Variants in PRSS55 observed in about 807,000 individuals in gnomAD.
PRSS55 encodes the protein probable serine protease UNQ9391/PRO34284.
PRSS55 carries 41 observed loss-of-function variants against 23.6 expected under a neutral mutation model. The ratio of observed to expected loss-of-function variants is 1.74; its 90% CI spans 1.35 to 2.26. The LOEUF is 2.26. Ranked by LOEUF, PRSS55 falls within the 30% of genes most tolerant of loss-of-function variation. PRSS55 has a pLI of 0.00. For synonymous variants in PRSS55, 262 were observed against 175.5 expected (o/e 1.49, Z -3.90); for missense variants, 669 against 439.1 (o/e 1.52, Z -4.68).
intron 4 of PRSS55, among the ~76,000 whole-genome samples, chr8:10,548,354 G>T (rs1012914248): frequency 6.6e-6 from 1 of 152,152 alleles, no homozygotes; most frequent in Non-Finnish European, 1.5e-5. Context: ...AGCCCTGGAG[G>T]GGGAGGGAAG....
intron 4 of PRSS55, among the ~76,000 whole-genome samples, chr8:10,533,512 T>G (rs1443910093): frequency 6.6e-6 from 1 of 152,174 alleles, no homozygotes; most frequent in African/African-American, 2.4e-5. Flanking sequence ...GATAAAATAT[T>G]GGGTGTTGCA....
chr8:10,529,002 C>T (rs1398839496), intron 1 of PRSS55, among the ~76,000 whole-genome samples: 1 of 152,184 alleles, frequency 6.6e-6, no homozygotes, highest in Non-Finnish European at 1.5e-5. Context: ...ATTCCACTGG[C>T]CCCTCAGAAA....
At chr8:10,552,327 A>T (rs547701418) in intron 4 of PRSS55, among the ~76,000 whole-genome samples, 8 of 152,230 alleles carry the variant, frequency 5.3e-5, no homozygotes, top group Non-Finnish European at 1.2e-4. Context: ...TCCAGGAAAC[A>T]TCTTCCTACT....
At chr8:10,550,995 G>C (rs976013328) in intron 4 of PRSS55, among the ~76,000 whole-genome samples, 1 of 152,198 alleles carries the variant, frequency 6.6e-6, no homozygotes, top group Non-Finnish European at 1.5e-5. Flanking sequence ...ATGGACCCAG[G>C]CTTCCAGTAC....
chr8:10,532,799 G>A, intron 3 of PRSS55, 107 bp from the exon 4 acceptor site: 1 of 1,397,198 alleles, frequency 7.2e-7, no homozygotes, highest in Non-Finnish European at 9.8e-7. Context: ...TGTGAAGGAA[G>A]GGGATGGGGG....
intron 1 of PRSS55, among the ~76,000 whole-genome samples, chr8:10,527,075 T>A (rs780615534): frequency 3.3e-4 from 50 of 152,340 alleles, no homozygotes; most frequent in Non-Finnish European, 4.9e-4. Flanking sequence ...CTTCCTTCCA[T>A]ACTTATAAAC....
At chr8:10,545,704 AATC>A (rs1283513033) in intron 4 of PRSS55, among the ~76,000 whole-genome samples, 1 of 152,184 alleles carries the variant, frequency 6.6e-6, no homozygotes, top group African/African-American at 2.4e-5. Context: ...GTGGCTCGTA[AATC>A]ATCGTTTGAA....
chr8:10,529,554 A>T lies in PRSS55; in HGVS notation c.202A>T (p.Ile68Phe), dbSNP rs146015971. ...IFEGRTRYSRITGGMEAEVGE... is the reference protein window; with the variant it reads ...IFEGRTRYSRFTGGMEAEVGE... ...CGAGGGAAGAACTCGGTATTCCAGA[A>T]TCACAGGGGGGATGGAGGCGGAGGT... is the stretch of plus-strand genomic sequence containing the variant. The change falls in exon 2 of 5, where the codon ATC becomes TTC. Residue 68 changes from isoleucine to phenylalanine, a missense_variant. Transcript: ENST00000328655. 4 of 1,614,100 alleles carry T rather than the reference A, an allele frequency of 2.5e-6. No individual in the cohort carries two copies. Among genetic ancestry groups the T allele is most frequent in the African/African-American group, 1.3e-5 (1 of 74,932 alleles).
At chr8:10,538,924 C>T (rs2117053189), downstream of PRSS55, 6 of 893,150 alleles carry the variant, frequency 6.7e-6, no homozygotes, top group South Asian at 6.0e-5. Context: ...AGAGAGTCAC[C>T]CTGGGTCCCT....
At chr8:10,536,304 C>T (rs1462631162) in intron 4 of PRSS55, among the ~76,000 whole-genome samples, 2 of 152,046 alleles carry the variant, frequency 1.3e-5, no homozygotes, top group African/African-American at 4.8e-5. Context: ...CAAATCAAAG[C>T]CACAATGAGA....
downstream of PRSS55, chr8:10,538,883 G>A (rs746154483): frequency 1.1e-5 from 14 of 1,327,256 alleles, no homozygotes; most frequent in Admixed American, 2.8e-4. Context: ...AGGGCTCAAG[G>A]ATGGAAATTG....
intron 4 of PRSS55, among the ~76,000 whole-genome samples, chr8:10,544,432 C>T (rs1812761665): frequency 6.6e-6 from 1 of 152,134 alleles, no homozygotes; most frequent in Non-Finnish European, 1.5e-5. Flanking sequence ...TTCCTGTAGA[C>T]AACACATAGA....
intron 4 of PRSS55, among the ~76,000 whole-genome samples, chr8:10,544,812 T>G (rs1426582035): frequency 2.0e-5 from 3 of 152,226 alleles, no homozygotes; most frequent in Non-Finnish European, 4.4e-5. Flanking sequence ...TCCTCCTCTT[T>G]TTTTTGCTAT....
At chr8:10,548,933 G>T (rs542913113) in intron 4 of PRSS55, among the ~76,000 whole-genome samples, 71 of 152,324 alleles carry the variant, frequency 4.7e-4, no homozygotes, top group African/African-American at 1.7e-3. Context: ...TCCGACTGAG[G>T]CTGGGGTTGG....
intron 4 of PRSS55, among the ~76,000 whole-genome samples, chr8:10,545,810 C>T (rs1253464562): frequency 6.6e-6 from 1 of 152,214 alleles, no homozygotes; most frequent in Non-Finnish European, 1.5e-5. Context: ...CTTAATTGGG[C>T]ACTGTTGCTC....
At position 10,532,858 on chromosome 8, in the gene PRSS55, G is replaced by C. The variant is rs980587314; in HGVS notation, c.599-48G>C. ...ACAGTCAGCTGCATCACGAACGTGG[G>C]GACATGAGGCCCAGTGGCTTCTCTA... On this transcript the variant is annotated intron_variant, in intron 3 of 4. Coordinates refer to ENST00000328655, the MANE Select transcript of PRSS55 (RefSeq NM_198464.4). 4 of 1,611,088 alleles carry C rather than the reference G, an allele frequency of 2.5e-6. No individual in the cohort carries two copies. In the African/African-American group the frequency reaches 5.3e-5, roughly 22 times the overall value.
At chr8:10,542,654 G>A (rs1362057966), downstream of PRSS55, among the ~76,000 whole-genome samples, 1 of 151,860 alleles carries the variant, frequency 6.6e-6, no homozygotes, top group Non-Finnish European at 1.5e-5. Context: ...GATCACCTGA[G>A]TTCAGGAGTT....
At chr8:10,531,222 G>A in intron 2 of PRSS55, 73 bp from the exon 3 acceptor site, 3 of 1,575,910 alleles carry the variant, frequency 1.9e-6, no homozygotes, top group East Asian at 2.2e-5. Context: ...AGGTTTCTGG[G>A]CACAGCCAAT....
At chr8:10,552,499 G>T (rs1345738437) in intron 4 of PRSS55, among the ~76,000 whole-genome samples, 1 of 152,196 alleles carries the variant, frequency 6.6e-6, no homozygotes, top group African/African-American at 2.4e-5. Flanking sequence ...CCTTTGGAAT[G>T]GGAGAAAACA....
Sources: allele counts gnomAD v4.1 joint callset (sites outside exome capture counted in the v4.1 genomes callset), GRCh38; gene constraint gnomAD v4.1.1; transcripts MANE v1.5; gene names NCBI Gene and HGNC (gene_info 2026-07-23, HGNC 2026-07-21).